Variants in ROBO2 observed in about 807,000 individuals in gnomAD.
ROBO2 encodes roundabout guidance receptor 2.
ROBO2 carries 53 observed loss-of-function variants against 160.8 expected under a neutral mutation model. That is an observed-to-expected ratio of 0.33 (90% CI 0.26 to 0.41). The LOEUF is 0.41. Among genes scored for constraint, ROBO2 ranks in the 10% least tolerant of loss-of-function variants. ROBO2 has a pLI of 1.00. For missense variants in ROBO2, 1,577 were observed against 1,722.4 expected, an observed-to-expected ratio of 0.92 and a Z score of 1.49; for synonymous variants, 664 against 611.7, an observed-to-expected ratio of 1.09 and a Z score of -1.26.
At chr3:76,364,051 C>A (rs1292941007) in intron 2 of ROBO2, among the ~76,000 whole-genome samples, 1 of 152,046 alleles carries the variant, frequency 6.6e-6, no homozygotes, top group African/African-American at 2.4e-5. Flanking sequence ...TTCATCCCTG[C>A]TTACATTTAC....
intron 2 of ROBO2, among the ~76,000 whole-genome samples, chr3:76,620,160 A>G (rs747824670): frequency 2.0e-5 from 3 of 152,198 alleles, no homozygotes; most frequent in Non-Finnish European, 4.4e-5. Context: ...TGTCAAAGTG[A>G]TGTTTCTTTG....
At chr3:75,974,827 TAA>T (rs2065092407) in intron 2 of ROBO2, among the ~76,000 whole-genome samples, 1 of 151,554 alleles carries the variant, frequency 6.6e-6, no homozygotes, top group Non-Finnish European at 1.5e-5. Context: ...TTTTTAGACT[TAA>T]GTCACATTAT....
At chr3:76,997,030 A>G (rs1040176243) in intron 2 of ROBO2, among the ~76,000 whole-genome samples, 6 of 152,282 alleles carry the variant, frequency 3.9e-5, no homozygotes, top group African/African-American at 1.4e-4. Context: ...TGTGCTAGAT[A>G]TTTAATTTGT....
chr3:76,213,919 G>C (rs771614917), intron 2 of ROBO2, among the ~76,000 whole-genome samples: 1 of 152,116 alleles, frequency 6.6e-6, no homozygotes, highest in African/African-American at 2.4e-5. Context: ...AGTATAGATA[G>C]ATAGATTTAG....
At chr3:76,772,736 T>G (rs1037583973) in intron 2 of ROBO2, among the ~76,000 whole-genome samples, 3 of 151,156 alleles carry the variant, frequency 2.0e-5, no homozygotes, top group African/African-American at 4.8e-5. Flanking sequence ...CAGAGTGGAC[T>G]ATTACTAAAT....
intron 3 of ROBO2, among the ~76,000 whole-genome samples, chr3:77,478,742 T>C (rs1213527376): frequency 4.6e-5 from 7 of 152,232 alleles, no homozygotes; most frequent in Non-Finnish European, 8.8e-5. Context: ...TCTATTATCT[T>C]AAAAATATGT....
intron 2 of ROBO2, among the ~76,000 whole-genome samples, chr3:77,205,558 A>G (rs540538655): frequency 6.6e-6 from 1 of 152,124 alleles, no homozygotes; most frequent in African/African-American, 2.4e-5. Flanking sequence ...GCTTGAAAAC[A>G]GAAATGCCTA....
intron 2 of ROBO2, among the ~76,000 whole-genome samples, chr3:76,159,254 A>C (rs2072526322): frequency 6.6e-6 from 1 of 152,208 alleles, no homozygotes; most frequent in South Asian, 2.1e-4. Context: ...GGCGCCAAGC[A>C]GAATTGCTGC....
chr3:76,834,746 C>G (rs76123206), intron 2 of ROBO2, among the ~76,000 whole-genome samples: 1,716 of 152,210 alleles, frequency 0.011, 37 homozygotes, highest in African/African-American at 0.038. Flanking sequence ...AAATGATTCT[C>G]TTAAGTTCTG....
chr3:76,056,272 C>T (rs986921563), intron 2 of ROBO2, among the ~76,000 whole-genome samples: 4 of 152,020 alleles, frequency 2.6e-5, no homozygotes, highest in South Asian at 2.1e-4. Flanking sequence ...TGAGGAGGGT[C>T]CTAGAACCAG....
chr3:76,907,823 G>GGGGTGTGT (rs112697690), intron 2 of ROBO2, among the ~76,000 whole-genome samples: 75 of 145,514 alleles, frequency 5.2e-4, no homozygotes, highest in African/African-American at 1.6e-3. Context: ...GTTTGTTTGG[G>GGGGTGTGT]GTGTGTGTGT....
intron 2 of ROBO2, among the ~76,000 whole-genome samples, chr3:76,185,898 C>T (rs1489861741): frequency 6.7e-6 from 1 of 150,356 alleles, no homozygotes; most frequent in Non-Finnish European, 1.5e-5. Flanking sequence ...TTTGACTTTC[C>T]AAAGGAATAG....
chr3:76,848,164 A>G (rs2068956609), intron 2 of ROBO2, among the ~76,000 whole-genome samples: 1 of 152,148 alleles, frequency 6.6e-6, no homozygotes, highest in African/African-American at 2.4e-5. Flanking sequence ...TTTGTTCCAG[A>G]AACAATTGAG....
chr3:76,460,612 G>A (rs1486001969), intron 2 of ROBO2, among the ~76,000 whole-genome samples: 1 of 152,116 alleles, frequency 6.6e-6, no homozygotes, highest in East Asian at 1.9e-4. Flanking sequence ...CACCAACAAG[G>A]AACACCAACT....
At position 76,770,908 on chromosome 3, in the gene ROBO2, T is replaced by A. The variant is rs186311052; in HGVS notation, c.110-327106T>A. The stretch of plus-strand genomic sequence containing the variant: ...AGGATGCTCCGATACTTCCTTCAGC[T>A]GCTCTTCCAGACCTACTTTCTCACC... On this transcript the variant is annotated intron_variant, in intron 2 of 26. Coordinates refer to the ROBO2 transcript ENST00000487694. Among the ~76,000 whole-genome samples, 896 of 151,402 alleles carry A rather than the reference T, an allele frequency of 5.9e-3. 5 individuals are homozygous for A. The highest frequency in any genetic ancestry group is 9.4e-3 in the Non-Finnish European group (635 of 67,526).
intron 2 of ROBO2, among the ~76,000 whole-genome samples, chr3:76,867,677 T>C (rs1054272341): frequency 6.6e-6 from 1 of 152,214 alleles, no homozygotes; most frequent in African/African-American, 2.4e-5. Flanking sequence ...TGTTACAAAT[T>C]AGAAAGATTT....
At chr3:76,283,623 A>G (rs1708359485) in intron 2 of ROBO2, among the ~76,000 whole-genome samples, 1 of 151,992 alleles carries the variant, frequency 6.6e-6, no homozygotes, top group Non-Finnish European at 1.5e-5. Context: ...CCCAATTCCC[A>G]TTTAGCATTA....
At chr3:77,525,501 A>G (rs949269138) in intron 6 of ROBO2, among the ~76,000 whole-genome samples, 3 of 151,048 alleles carry the variant, frequency 2.0e-5, no homozygotes, top group Non-Finnish European at 4.4e-5. Flanking sequence ...AATTAGGAAG[A>G]AATAAAGCCA....
At chr3:76,876,328 C>T (rs1001599737) in intron 2 of ROBO2, among the ~76,000 whole-genome samples, 4 of 152,110 alleles carry the variant, frequency 2.6e-5, no homozygotes, top group Non-Finnish European at 4.4e-5. Context: ...TGAATCTGTT[C>T]CAATTATTAG....
Sources: allele counts gnomAD v4.1 joint callset (sites outside exome capture counted in the v4.1 genomes callset), GRCh38; gene constraint gnomAD v4.1.1; transcripts MANE v1.5; gene names NCBI Gene and HGNC (gene_info 2026-07-23, HGNC 2026-07-21).